Variants in CREM observed in about 807,000 individuals in gnomAD.
CREM encodes cAMP responsive element modulator.
CREM carries 13 observed loss-of-function variants against 37.3 expected under a neutral mutation model. The ratio of observed to expected loss-of-function variants is 0.35; its 90% CI spans 0.23 to 0.55. The LOEUF (loss-of-function observed/expected upper bound fraction) is 0.55, where lower values mean the gene tolerates loss of function less well. Ranked by LOEUF, CREM falls within the 20% of genes least tolerant of loss-of-function variation. The probability of loss-of-function intolerance (pLI) is 0.88; values close to 1 mark genes in which losing one functional copy is unlikely to be tolerated. For missense variants in CREM, 296 were observed against 362.3 expected, an observed-to-expected ratio of 0.82 and a Z score of 1.49; for synonymous variants, 124 against 120.2, an observed-to-expected ratio of 1.03 and a Z score of -0.21.
intron 2 of CREM, among the ~76,000 whole-genome samples, chr10:35,144,186 G>A (rs1430008310): frequency 6.6e-6 from 1 of 152,154 alleles, no homozygotes; most frequent in Admixed American, 6.5e-5. Flanking sequence ...ACAGTGCCCA[G>A]TGCTAAATTA....
intron 6 of CREM, chr10:35,201,557 C>A: frequency 6.5e-7 from 1 of 1,544,522 alleles, no homozygotes; most frequent in Non-Finnish European, 8.8e-7. Flanking sequence ...GTGTTTAAAG[C>A]TTGCAAAGAG....
chr10:35,145,075 C>T (rs991075112), intron 2 of CREM, among the ~76,000 whole-genome samples: 18 of 148,984 alleles, frequency 1.2e-4, no homozygotes, highest in South Asian at 4.2e-4. Flanking sequence ...GCGGGAGAAT[C>T]GCTTGAACCC....
chr10:35,148,856 T>G (rs1247276116), intron 3 of CREM, among the ~76,000 whole-genome samples: 2 of 152,258 alleles, frequency 1.3e-5, no homozygotes, highest in African/African-American at 2.4e-5. Context: ...TTTGTCTTAA[T>G]CATTACTTTC....
At chr10:35,180,337 GA>G (rs201187164) in intron 5 of CREM, among the ~76,000 whole-genome samples, 4 of 150,774 alleles carry the variant, frequency 2.7e-5, no homozygotes, top group East Asian at 1.9e-4. Flanking sequence ...GCAATACCAA[GA>G]AAAAAAAACT....
In CREM at chr10:35,146,495, T is replaced by C. The variant is rs544704730; in HGVS notation, c.45-1873T>C. Among the ~76,000 whole-genome samples, 4 of 152,296 alleles carry C rather than the reference T, an allele frequency of 2.6e-5. No individual in the cohort carries two copies. The South Asian group carries it at 8.3e-4, about 32-fold the overall frequency. On this transcript the variant is annotated intron_variant, in intron 2 of 7. Coordinates refer to ENST00000685392, the MANE Select transcript of CREM (RefSeq NM_183011.2). ...CCCCAGATAATGCCTTTTTAGAACC[T>C]GCAGAACTAATGTCCTGAGGTATTT...
intron 2 of CREM, among the ~76,000 whole-genome samples, chr10:35,138,163 GTAGAAT>G (rs2090872390): frequency 1.3e-5 from 2 of 152,200 alleles, no homozygotes; most frequent in South Asian, 4.1e-4. Flanking sequence ...AAGTGGAATT[GTAGAAT>G]TCGAAGAATC....
At chr10:35,148,037 G>T (rs2092302099) in intron 2 of CREM, among the ~76,000 whole-genome samples, 1 of 152,066 alleles carries the variant, frequency 6.6e-6, no homozygotes. Flanking sequence ...GGAATTTTTT[G>T]GATTTTAGAA....
chr10:35,174,065 C>T (rs1482725286), intron 3 of CREM, among the ~76,000 whole-genome samples: 2 of 152,134 alleles, frequency 1.3e-5, no homozygotes, highest in South Asian at 4.1e-4. Flanking sequence ...GGATGTTTTT[C>T]TTTTCCCTGG....
intron 6 of CREM, among the ~76,000 whole-genome samples, chr10:35,194,901 C>T (rs529409894): frequency 6.7e-6 from 1 of 149,610 alleles, no homozygotes; most frequent in Non-Finnish European, 1.5e-5. Flanking sequence ...CTAAAAGAGA[C>T]ATTATTATTA....
intron 6 of CREM, chr10:35,201,321 G>A (rs1038190069): frequency 1.1e-6 from 1 of 899,890 alleles, no homozygotes; most frequent in Non-Finnish European, 1.7e-6. Context: ...AGAACTTAAG[G>A]AGGGGAAGAG....
chr10:35,212,380 C>G lies in CREM; in HGVS notation c.*982C>G, dbSNP rs1256630964. On this transcript the variant is annotated 3_prime_UTR_variant, in exon 8 of 8. Transcript: ENST00000685392. ...TTTTAATAGAACCATGTTGGTTGCACTTTGTAGTGTTTGGTGCTCATTTAA... is the reference window on the plus strand; with the variant it reads ...TTTTAATAGAACCATGTTGGTTGCAGTTTGTAGTGTTTGGTGCTCATTTAA... 6.6e-6 allele frequency: 1 copy of G among 152,428 alleles called. No individual in the cohort carries two copies. Among genetic ancestry groups the G allele is most frequent in the Non-Finnish European group, 1.5e-5 (1 of 68,022 alleles). The allele number at this position is 152,428 out of a possible 1,614,324, so 9.4% of individuals were successfully genotyped here.
At position 35,151,285 on chromosome 10, in the gene CREM, T is replaced by C. The variant is rs142733036; in HGVS notation, c.168+2794T>C. Among the ~76,000 whole-genome samples the C allele has an allele frequency of 1.5e-3, 232 of 152,350 alleles. 1 individual carries two copies. The highest frequency in any genetic ancestry group is 5.1e-3 in the African/African-American group (212 of 41,586). On this transcript the variant is annotated intron_variant, in intron 3 of 7. Coordinates refer to ENST00000685392, the MANE Select transcript of CREM (RefSeq NM_183011.2). The stretch of plus-strand genomic sequence containing the variant: ...AATATTGATAGTTATTAAATCTGGA[T>C]AGTAAATTCTTGGAGTTTTGCTGTT...
In CREM at chr10:35,188,217, G is replaced by GGAA. The variant is rs1160141201; in HGVS notation, c.428_430dup (p.Gly143_Thr144insArg). On this transcript the variant is annotated inframe_insertion, in exon 6 of 8. Transcript: ENST00000685392. ...CTGTTAAGTTGCTATAGCCCAAGGT[G>GGAA]GAACAATCCAGATTTCTAACCCAGG... The GGAA allele has an allele frequency of 3.7e-6, 6 of 1,613,282 alleles. No individual in the cohort carries two copies. The highest frequency in any genetic ancestry group is 5.1e-6 in the Non-Finnish European group (6 of 1,179,806).
At chr10:35,180,196 TC>T (rs1322409043) in intron 5 of CREM, among the ~76,000 whole-genome samples, 1 of 152,214 alleles carries the variant, frequency 6.6e-6, no homozygotes, top group African/African-American at 2.4e-5. Flanking sequence ...TTGAAGAGAT[TC>T]ATAATTTTAG....
chr10:35,190,421 T>G (rs887097499), intron 6 of CREM, among the ~76,000 whole-genome samples: 2 of 152,230 alleles, frequency 1.3e-5, no homozygotes, highest in African/African-American at 2.4e-5. Context: ...GCAGCCTTAA[T>G]TAGACAGTGG....
chr10:35,210,439 G>A (rs979500396), intron 7 of CREM: 4 of 152,146 alleles, frequency 2.6e-5, no homozygotes, highest in African/African-American at 9.7e-5. Flanking sequence ...CTACTGGTCT[G>A]TTCTTTCATT....
intron 3 of CREM, 83 bp from the exon 4 acceptor site, chr10:35,178,806 A>T: frequency 9.3e-7 from 1 of 1,071,502 alleles, no homozygotes; most frequent in Non-Finnish European, 1.4e-6. Context: ...AGTGCTGCAC[A>T]CACAGACTCT....
In CREM at chr10:35,195,667, GC is replaced by G. The variant is rs200995846; in HGVS notation, c.598+7280del. Among the ~76,000 whole-genome samples the G allele has an allele frequency of 3.3e-5, 5 of 152,274 alleles. No individual in the cohort carries two copies. The East Asian group carries it at 9.7e-4, about 29-fold the overall frequency. On this transcript the variant is annotated intron_variant, in intron 6 of 7. Coordinates refer to ENST00000685392, the MANE Select transcript of CREM (RefSeq NM_183011.2). The stretch of plus-strand genomic sequence containing the variant: ...GATTTCATTACTGTGGACAAATGCA[GC>G]TCCAAACAGAATAGGAAAAACCCGC...
At chr10:35,203,892 T>C (rs1429647285) in intron 6 of CREM, among the ~76,000 whole-genome samples, 1 of 152,180 alleles carries the variant, frequency 6.6e-6, no homozygotes, top group Non-Finnish European at 1.5e-5. Flanking sequence ...TTGGAAAGAA[T>C]GATCCTAGAC....
Sources: allele counts gnomAD v4.1 joint callset (sites outside exome capture counted in the v4.1 genomes callset), GRCh38; gene constraint gnomAD v4.1.1; transcripts MANE v1.5; gene names NCBI Gene and HGNC (gene_info 2026-07-23, HGNC 2026-07-21).